CRYBG2: variants seen among roughly 807,000 people sequenced by gnomAD.
CRYBG2 encodes crystallin beta-gamma domain containing 2, also known as beta/gamma crystallin domain-containing protein 2.
Under a neutral mutation model 153.4 loss-of-function variants are expected in CRYBG2, and 106 were observed. The ratio of observed to expected loss-of-function variants is 0.69; its 90% CI spans 0.59 to 0.81. The LOEUF is 0.81. CRYBG2 is among the 30% of genes least tolerant of loss of function. CRYBG2 has a pLI of 0.00. For missense variants in CRYBG2, 1,996 were observed against 2,112.0 expected, an observed-to-expected ratio of 0.95 and a Z score of 1.08; for synonymous variants, 851 against 877.8, an observed-to-expected ratio of 0.97 and a Z score of 0.54.
chr1:26,337,654 TG>T lies in CRYBG2; in HGVS notation c.3527del (p.Pro1176GlnfsTer10). ...GEPRAVVYEA[P>X]GFQGRSWEVS... ...CTTCCCAGCTGCGGCCCTGAAAGCC[TG>T]GGGCCTCATACACCACAGCCTGGGG... On this transcript the variant is annotated frameshift_variant, in exon 9 of 20. Coordinates refer to ENST00000308182, the MANE Select transcript of CRYBG2 (RefSeq NM_001039775.4). LOFTEE classifies it high-confidence loss of function. 6.2e-7 allele frequency: 1 copy of T among 1,612,166 alleles called. No individual in the cohort carries two copies.
chr1:26,342,729 C>T lies in CRYBG2; in HGVS notation c.3204+25G>A, dbSNP rs187046434. 3.2e-5 allele frequency: 51 copies of T among 1,608,498 alleles called. 1 individual carries two copies. The South Asian group carries it at 4.8e-4, about 15-fold the overall frequency. The stretch of plus-strand genomic sequence containing the variant: ...GATTTCAACTCTAGGCACTCGAGGC[C>T]GTCTCCCACCTCCAACTCACTCACC... On this transcript the variant is annotated intron_variant, in intron 5 of 19. Coordinates refer to ENST00000308182, the MANE Select transcript of CRYBG2 (RefSeq NM_001039775.4).
chr1:26,346,573 G>C lies in CRYBG2; in HGVS notation c.85C>G (p.Gln29Glu). The change falls in exon 2 of 20, where the codon CAG (glutamine) becomes GAG (glutamate). Residue 29 changes from glutamine (Q) to glutamate (E), a missense_variant. Physicochemically the swap from Gln to Glu is conservative, Grantham distance 29 (BLOSUM62 2). Coordinates refer to ENST00000308182, the MANE Select transcript of CRYBG2 (RefSeq NM_001039775.4). The surrounding 1 kb of genome is among the most constrained non-coding windows in gnomAD (Gnocchi z 4.9). ...TGAAAACCATGTTTGATCTCTTCCT[G>C]GGTGGGGGGCCGCTGCCGCCATGTC... ...TLTWRQRPPTQEEIKHGFHKV... is the reference protein window; with the variant it reads ...TLTWRQRPPTEEEIKHGFHKV... 1 of 1,604,878 alleles carries C rather than the reference G, an allele frequency of 6.2e-7. No homozygotes were observed. The highest frequency in any genetic ancestry group is 8.5e-7 in the Non-Finnish European group (1 of 1,175,864).
chr1:26,350,030 G>T (rs1424611093), intron 1 of CRYBG2, among the ~76,000 whole-genome samples: 1 of 151,924 alleles, frequency 6.6e-6, no homozygotes, highest in Non-Finnish European at 1.5e-5. Flanking sequence ...GCCCAGTCTG[G>T]TCTCAAACTC....
In CRYBG2 at chr1:26,343,825, G is replaced by A; in HGVS notation, c.2833C>T (p.Pro945Ser). The A allele has an allele frequency of 1.4e-6, 2 of 1,465,982 alleles. No homozygotes were observed. Among genetic ancestry groups the A allele is most frequent in the South Asian group, 1.4e-5 (1 of 70,660 alleles). The allele number at this position is 1,465,982 out of a possible 1,614,324, so 90.8% of individuals were successfully genotyped here. A position where few individuals can be genotyped will look rare whatever the true frequency, so the allele number is the denominator to read the frequency against. The change falls in exon 2 of 20, where the codon CCA (proline) becomes TCA (serine). Residue 945 changes from proline to serine, a missense_variant. Coordinates refer to ENST00000308182, the MANE Select transcript of CRYBG2 (RefSeq NM_001039775.4). This position sits in a 1 kb window ranked among gnomAD's most constrained non-coding sequence, Gnocchi z 4.1. ...PHGAPGLRKV[P>S]GQLPLLCSER... ...CTGCAAAGCAGGGGCAACTGTCCTGGCACCTTCCTGAGCCCCGGTGCCCCA... is the reference window on the plus strand; with the variant it reads ...CTGCAAAGCAGGGGCAACTGTCCTGACACCTTCCTGAGCCCCGGTGCCCCA...
chr1:26,331,543 C>T lies in CRYBG2; in HGVS notation c.4260G>A (p.Thr1420=), dbSNP rs775959066. The change falls in exon 15 of 20, where the codon ACG becomes ACA. Residue 1420 remains threonine (T), a synonymous_variant. Coordinates refer to ENST00000308182, the MANE Select transcript of CRYBG2 (RefSeq NM_001039775.4). ...CTGTGGAGGCGAGGCAGCCCATGGC[C>T]GTGAGAGTGGGGAACTCGCCCTCAG... is the stretch of plus-strand genomic sequence containing the variant. ...ILSEGEFPTL[T]AMGCLASTVL... The T allele has an allele frequency of 9.9e-6, 16 of 1,614,078 alleles. No individual in the cohort carries two copies. Among genetic ancestry groups the T allele is most frequent in the South Asian group, 3.3e-5 (3 of 91,078 alleles).
chr1:26,322,350 T>C, intron 18 of CRYBG2, 27 bp from the exon 19 acceptor site: 1 of 1,598,606 alleles, frequency 6.3e-7, no homozygotes, highest in African/African-American at 1.3e-5. Flanking sequence ...TCATCAGGCA[T>C]TGTTCCTCCC....
In CRYBG2 at chr1:26,345,640, G is replaced by A. The variant is rs551025425; in HGVS notation, c.1018C>T (p.Leu340Phe). The A allele has an allele frequency of 1.9e-6, 3 of 1,599,000 alleles. No individual in the cohort carries two copies. Among genetic ancestry groups the A allele is most frequent in the Admixed American group, 1.7e-5 (1 of 59,996 alleles). ...TGACCCTGAGAAGTCTGGAGAGGGA[G>A]CTCAGTGGAACTGGGGGCTCCCAGC... The part of the protein sequence containing the change: ...QVLGAPSSTE[L>F]PLQTSQGQAS... Residue 340 changes from leucine to phenylalanine, a missense_variant, in exon 2 of 20, where the codon CTC (leucine) becomes TTC (phenylalanine). By Grantham distance (22) the Leu-to-Phe change is conservative (BLOSUM62 0). Transcript: ENST00000308182.
In CRYBG2 at chr1:26,344,316, C is replaced by A; in HGVS notation, c.2342G>T (p.Arg781Leu). ...AGGGGCTCGTGGCAGCCGGTGAGTG[C>A]GGAGGATCTCAGGGGGCTCCATGCT... Reference protein sequence around the residue: ...LRSMEPPEILRTHRLPRAPRS... With the variant: ...LRSMEPPEILLTHRLPRAPRS... Residue 781 changes from arginine to leucine, a missense_variant, in exon 2 of 20, where the codon CGC becomes CTC. Physicochemically the swap from Arg to Leu is moderately radical, Grantham distance 102. Coordinates refer to ENST00000308182, the MANE Select transcript of CRYBG2 (RefSeq NM_001039775.4). The A allele has an allele frequency of 1.3e-6, 2 of 1,505,994 alleles. No homozygotes were observed. Among genetic ancestry groups the A allele is most frequent in the South Asian group, 1.3e-5 (1 of 79,300 alleles). The allele number at this position is 1,505,994 out of a possible 1,614,324, so 93.3% of individuals were successfully genotyped here. A position where few individuals can be genotyped will look rare whatever the true frequency, so the allele number is the denominator to read the frequency against.
In CRYBG2 at chr1:26,344,673, T is replaced by C. The variant is rs2074182336; in HGVS notation, c.1985A>G (p.Glu662Gly). 1 of 1,533,760 alleles carries C rather than the reference T, an allele frequency of 6.5e-7. No homozygotes were observed. The highest frequency in any genetic ancestry group is 2.4e-5 in the East Asian group (1 of 40,880). ...AGCAATTGGGCCTTGAACAGTCTCT[T>C]CCTTGGTGAGGGGCGGGGCAAGGCT... ...AGSLAPPLTK[E>G]ETVQGPIAPA... The change falls in exon 2 of 20, where the codon GAA becomes GGA. Residue 662 changes from glutamate to glycine, a missense_variant. Coordinates refer to ENST00000308182, the MANE Select transcript of CRYBG2 (RefSeq NM_001039775.4).
At chr1:26,351,292 G>A (rs573825339) in intron 1 of CRYBG2, among the ~76,000 whole-genome samples, 1 of 152,254 alleles carries the variant, frequency 6.6e-6, no homozygotes, top group African/African-American at 2.4e-5. Flanking sequence ...CGCCCTCGCT[G>A]AGCACCTCCT....
chr1:26,345,381 C>A lies in CRYBG2; in HGVS notation c.1277G>T (p.Arg426Ile). Residue 426 changes from arginine (R) to isoleucine (I), a missense_variant, in exon 2 of 20, where the codon AGA becomes ATA. Arg to Ile is a moderately conservative substitution (Grantham distance 97, BLOSUM62 -3). Transcript: ENST00000308182. Reference sequence around the variant, plus strand: ...TCCTGGGCTGGGGACATCCTTCCTTCTTGTAGTGGATGGAGCAGGAGGTTG... The same window carrying A: ...TCCTGGGCTGGGGACATCCTTCCTTATTGTAGTGGATGGAGCAGGAGGTTG... ...PGQPPAPSTT[R>I]RKDVPSPGGL... 6.2e-7 allele frequency: 1 copy of A among 1,613,208 alleles called. No individual in the cohort carries two copies. Among genetic ancestry groups the A allele is most frequent in the Non-Finnish European group, 8.5e-7 (1 of 1,179,802 alleles).
At position 26,345,229 on chromosome 1, in the gene CRYBG2, G is replaced by A. The variant is rs559469411; in HGVS notation, c.1429C>T (p.Arg477Trp). The change falls in exon 2 of 20, where the codon CGG becomes TGG. Residue 477 changes from arginine to tryptophan, a missense_variant. Transcript: ENST00000308182. The stretch of plus-strand genomic sequence containing the variant: ...CTGGACCCCTGCACCACCTCCTTCC[G>A]GGTGGGAGATGAGGCAGCAGGAGCA... ...PGAPAASSPT[R>W]KEVVQGSSAS... The A allele has an allele frequency of 5.2e-6, 8 of 1,533,794 alleles. No homozygotes were observed. Among genetic ancestry groups the A allele is most frequent in the Admixed American group, 1.8e-5 (1 of 55,068 alleles).
Position 26,328,859 on chromosome 1 carries a change from A to G in CRYBG2, c.4329T>C (p.Pro1443=). Residue 1443 remains proline, a synonymous_variant, in exon 16 of 20, where the codon CCT becomes CCC. Transcript: ENST00000308182. Reference sequence around the variant, plus strand: ...ACTCGAGTCCATACAGGAAAATGGAAGGCTCTGAAAAGTGCTGGGGCCCAG... The same window carrying G: ...ACTCGAGTCCATACAGGAAAATGGAGGGCTCTGAAAAGTGCTGGGGCCCAG... ...LQKVSLHFSE[P]SIFLYGLECF... is the part of the protein sequence containing the mutation. 2 of 1,614,116 alleles carry G rather than the reference A, an allele frequency of 1.2e-6. No homozygotes were observed. The highest frequency in any genetic ancestry group is 1.1e-5 in the South Asian group (1 of 91,080).
chr1:26,351,954 T>C (rs912489826), intron 1 of CRYBG2, among the ~76,000 whole-genome samples: 1 of 152,074 alleles, frequency 6.6e-6, no homozygotes, highest in African/African-American at 2.4e-5. Context: ...AGCCCTTTCT[T>C]CTGCAGGGCC....
chr1:26,322,445 T>A (rs2073871479), intron 18 of CRYBG2, 122 bp from the exon 19 acceptor site: 15 of 1,119,872 alleles, frequency 1.3e-5, no homozygotes, highest in Non-Finnish European at 1.8e-5. Flanking sequence ...TGGGCAAGTC[T>A]CTTAATCCTC....
chr1:26,342,307 C>G (rs2074140844), intron 5 of CRYBG2, among the ~76,000 whole-genome samples: 1 of 152,140 alleles, frequency 6.6e-6, no homozygotes, highest in Non-Finnish European at 1.5e-5. Flanking sequence ...CTGCCCATTC[C>G]CCAGAATCTC....
chr1:26,350,387 G>A (rs1483709856), intron 1 of CRYBG2, among the ~76,000 whole-genome samples: 1 of 152,218 alleles, frequency 6.6e-6, no homozygotes, highest in East Asian at 1.9e-4. Context: ...GGCTGACTCT[G>A]CCAAACACCT....
chr1:26,336,301 G>C lies in CRYBG2; in HGVS notation c.4071+37C>G, dbSNP rs1190022089. ...AAAGGTCCGAAATGAGGGGAGAGACGTGAGCCCAGCGGCTCCCTGCGGAGT... is the reference window on the plus strand; with the variant it reads ...AAAGGTCCGAAATGAGGGGAGAGACCTGAGCCCAGCGGCTCCCTGCGGAGT... On this transcript the variant is annotated intron_variant, in intron 13 of 19. Transcript: ENST00000308182. This position sits in a 1 kb window ranked among gnomAD's most constrained non-coding sequence, Gnocchi z 4.9. The C allele has an allele frequency of 7.4e-6, 12 of 1,612,070 alleles. No individual in the cohort carries two copies. The highest frequency in any genetic ancestry group is 2.7e-5 in the African/African-American group (2 of 74,876).
intron 7 of CRYBG2, 64 bp downstream of exon 7, chr1:26,338,287 C>T: frequency 5.2e-6 from 8 of 1,533,328 alleles, no homozygotes; most frequent in Non-Finnish European, 7.0e-6. Context: ...ACTGCAGGAC[C>T]AGCTACTTGG....
Sources: gnomAD v4.1 joint callset for allele counts (sites outside exome capture counted in the v4.1 genomes callset) on GRCh38, gnomAD v4.1.1 for gene constraint, Gnocchi (gnomAD v3.1) non-coding constraint, MANE v1.5 for transcripts, NCBI Gene and HGNC (gene_info 2026-07-23, HGNC 2026-07-21) for gene names.